ADGRG6: variants seen among roughly 807,000 people sequenced by gnomAD.
ADGRG6 encodes adhesion G protein-coupled receptor G6.
In ADGRG6, 84 loss-of-function variants were observed where a neutral mutation model predicts 142.4. The ratio of observed to expected loss-of-function variants is 0.59; its 90% confidence interval spans 0.49 to 0.71. The LOEUF (loss-of-function observed/expected upper bound fraction) is 0.71, where lower values mean the gene tolerates loss of function less well. Among genes scored for constraint, ADGRG6 ranks in the 30% least tolerant of loss-of-function variants. The pLI, the probability that ADGRG6 is intolerant of heterozygous loss-of-function variation, is 0.00. For synonymous variants in ADGRG6, 521 were observed against 520.5 expected (o/e 1.00, Z -0.01); for missense variants, 1,367 against 1,466.6 (o/e 0.93, Z 1.11).
intron 2 of ADGRG6, among the ~76,000 whole-genome samples, chr6:142,314,983 T>A (rs1777961192): frequency 6.6e-6 from 1 of 151,444 alleles, no homozygotes; most frequent in Admixed American, 6.6e-5. Context: ...TGTGTGTGTG[T>A]GTGTGTGTGT....
At chr6:142,316,210 A>G (rs1463982614) in intron 2 of ADGRG6, among the ~76,000 whole-genome samples, 1 of 152,166 alleles carries the variant, frequency 6.6e-6, no homozygotes. Flanking sequence ...TTTCTGCAAT[A>G]AATTATTATA....
At chr6:142,436,894 G>C (rs1330097179) in intron 22 of ADGRG6, among the ~76,000 whole-genome samples, 1 of 152,158 alleles carries the variant, frequency 6.6e-6, no homozygotes, top group Non-Finnish European at 1.5e-5. Flanking sequence ...GCCAGGTGGA[G>C]CCGCATGATT....
At chr6:142,342,805 A>G (rs376091700) in intron 2 of ADGRG6, among the ~76,000 whole-genome samples, 1 of 152,046 alleles carries the variant, frequency 6.6e-6, no homozygotes, top group Admixed American at 6.6e-5. Flanking sequence ...GTAGATATGT[A>G]TTTAGCTACT....
chr6:142,429,858 C>G (rs1777126588), intron 22 of ADGRG6, among the ~76,000 whole-genome samples: 1 of 152,118 alleles, frequency 6.6e-6, no homozygotes, highest in Non-Finnish European at 1.5e-5. Flanking sequence ...TCAAGACCAT[C>G]ATGGGCAACA....
rs1777580695 is a variant in ADGRG6, at chr6:142,438,221, A to T, written c.3431A>T (p.Lys1144Met). Residue 1144 changes from lysine to methionine, a missense_variant, in exon 24 of 25, where the codon AAG (lysine) becomes ATG (methionine). This residue lies in a region of ADGRG6 where 344 missense variants were observed against 348.7 expected (regional missense o/e 0.99). Transcript: ENST00000367609. Reference sequence around the variant, plus strand: ...TCATTTTTTTTTTCAGATTGGAGTAAGACAGCTACCAATATCATCAAGAAA... The same window carrying T: ...TCATTTTTTTTTTCAGATTGGAGTATGACAGCTACCAATATCATCAAGAAA... ...FRLADNSDWS[K>M]TATNIIKKSS... The T allele has an allele frequency of 6.3e-7, 1 of 1,592,718 alleles. No individual in the cohort carries two copies. Among genetic ancestry groups the T allele is most frequent in the African/African-American group, 1.4e-5 (1 of 73,840 alleles).
At chr6:142,351,233 AAAAAC>A (rs139867047) in intron 2 of ADGRG6, among the ~76,000 whole-genome samples, 2,185 of 152,216 alleles carry the variant, frequency 0.014, 57 homozygotes, top group African/African-American at 0.048. Flanking sequence ...CTTTGTTTCA[AAAAAC>A]AAAACAAAAC....
chr6:142,436,402 A>G (rs961420712), intron 22 of ADGRG6, among the ~76,000 whole-genome samples: 8 of 152,178 alleles, frequency 5.3e-5, no homozygotes, highest in Non-Finnish European at 1.0e-4. Context: ...TAAAGTGGTC[A>G]TGGGAAACTT....
At position 142,383,848 on chromosome 6, in the gene ADGRG6, GAA is replaced by G; in HGVS notation, c.1222+7_1222+8del. The G allele has an allele frequency of 7.2e-7, 1 of 1,395,526 alleles. No individual in the cohort carries two copies. The highest frequency in any genetic ancestry group is 1.0e-6 in the Non-Finnish European group (1 of 983,700). The allele number at this position is 1,395,526 out of a possible 1,614,324, so 86.4% of individuals were successfully genotyped here. ...GAATCGATAAACAAAGGAATGGTAA[GAA>G]ATCATTACCTTTTATATTTTTAGTA... On this transcript the variant is annotated splice_donor_region_variant and intron_variant, in intron 6 of 24. Coordinates refer to ENST00000367609, the MANE Select transcript of ADGRG6 (RefSeq NM_198569.3).
chr6:142,317,957 ATATT>A (rs1490138577), intron 2 of ADGRG6, among the ~76,000 whole-genome samples: 7 of 68,230 alleles, frequency 1.0e-4, no homozygotes, highest in Non-Finnish European at 1.7e-4. Context: ...TTTATATTAT[ATATT>A]TATATATTAT....
intron 4 of ADGRG6, among the ~76,000 whole-genome samples, chr6:142,373,613 G>T (rs777452090): frequency 6.6e-6 from 1 of 152,110 alleles, no homozygotes; most frequent in Non-Finnish European, 1.5e-5. Flanking sequence ...ATCAGAGATC[G>T]CTATAACCTT....
chr6:142,367,688 A>G lies in ADGRG6; in HGVS notation c.223A>G (p.Thr75Ala). 2 of 1,613,746 alleles carry G rather than the reference A, an allele frequency of 1.2e-6. No homozygotes were observed. The highest frequency in any genetic ancestry group is 1.7e-6 in the Non-Finnish European group (2 of 1,179,818). The change falls in exon 3 of 25, where the codon ACC (threonine) becomes GCC (alanine). Residue 75 changes from threonine to alanine, a missense_variant. Transcript: ENST00000367609. ...QACMWTLRAP[T>A]GYIIQITFND... ...TTGCATGTGGACGCTCCGAGCCCCC[A>G]CCGGTTATATCATTCAGATAACATT...
Position 142,367,658 on chromosome 6 carries a change from C to T in ADGRG6, c.193C>T (p.Gln65Ter). The T allele has an allele frequency of 6.2e-7, 1 of 1,613,878 alleles. No individual in the cohort carries two copies. Among genetic ancestry groups the T allele is most frequent in the Non-Finnish European group, 8.5e-7 (1 of 1,179,852 alleles). Residue 65 changes from glutamine to a stop codon, truncating the protein, a stop_gained, in exon 3 of 25, where the codon CAG becomes TAG. Coordinates refer to ENST00000367609, the MANE Select transcript of ADGRG6 (RefSeq NM_198569.3). LOFTEE classifies it high-confidence loss of function. ...CTACCCTAACGACTACCCAAACAGC[C>T]AGGCTTGCATGTGGACGCTCCGAGC... ...PCYPNDYPNSQACMWTLRAPT... is the reference protein window; with the variant it reads ...PCYPNDYPNS
chr6:142,392,932 C>G lies in ADGRG6; in HGVS notation c.1309-16C>G, dbSNP rs757596023. ...AGGTATTAGCAAAACTCAGCCTTTT[C>G]CATTGTGTTTTCCAGCTCAATTCAA... is the stretch of plus-strand genomic sequence containing the variant. On this transcript the variant is annotated splice_polypyrimidine_tract_variant and intron_variant, in intron 7 of 24. Coordinates refer to ENST00000367609, the MANE Select transcript of ADGRG6 (RefSeq NM_198569.3). The G allele has an allele frequency of 9.5e-6, 15 of 1,577,582 alleles. No homozygotes were observed. The African/African-American group carries it at 1.9e-4, about 20-fold the overall frequency.
chr6:142,417,215 C>G, intron 20 of ADGRG6, 58 bp from the exon 21 acceptor site: 2 of 859,244 alleles, frequency 2.3e-6, no homozygotes, highest in Non-Finnish European at 2.0e-6. Flanking sequence ...CATTAGCAGT[C>G]TTATGAAGCA....
chr6:142,338,561 ATAG>A (rs1020905614), intron 2 of ADGRG6, among the ~76,000 whole-genome samples: 38 of 151,452 alleles, frequency 2.5e-4, no homozygotes, highest in African/African-American at 8.7e-4. Flanking sequence ...TGCTTAAATA[ATAG>A]TAGTTAATCG....
intron 2 of ADGRG6, among the ~76,000 whole-genome samples, chr6:142,353,509 T>A (rs569404817): frequency 8.2e-4 from 125 of 152,258 alleles, no homozygotes; most frequent in African/African-American, 1.9e-3. Context: ...TTTCTTTTTT[T>A]AAAAAAATTC....
rs1164105083 is a variant in ADGRG6, at chr6:142,414,991, A to T, written c.2564A>T (p.Gln855Leu). 6.2e-7 allele frequency: 1 copy of T among 1,611,548 alleles called. No individual in the cohort carries two copies. The highest frequency in any genetic ancestry group is 1.7e-5 in the Admixed American group (1 of 59,696). Residue 855 changes from glutamine to leucine, a missense_variant, in exon 19 of 25, where the codon CAG (glutamine) becomes CTG (leucine). Physicochemically the swap from Gln to Leu is moderately radical, Grantham distance 113. Coordinates refer to ENST00000367609, the MANE Select transcript of ADGRG6 (RefSeq NM_198569.3). ...TAGGACCTTCCAAGAAGTGCCTCAC[A>T]GTTAGATGCAAGAAACACTAAAGTC... ...VLMDLPRSAS[Q>L]LDARNTKVLT...
In ADGRG6 at chr6:142,415,779, C is replaced by T. The variant is rs1408326404; in HGVS notation, c.2670-17C>T. 3.1e-6 allele frequency: 5 copies of T among 1,592,042 alleles called. No homozygotes were observed. The East Asian group carries it at 8.9e-5, about 28-fold the overall frequency. Reference sequence around the variant, plus strand: ...ACAGTATTAGTTCTCTCATAGATTCCTTTTTTCATTTTTTAGGAAATTGCG... The same window carrying T: ...ACAGTATTAGTTCTCTCATAGATTCTTTTTTTCATTTTTTAGGAAATTGCG... On this transcript the variant is annotated splice_polypyrimidine_tract_variant and intron_variant, in intron 19 of 24. Coordinates refer to ENST00000367609, the MANE Select transcript of ADGRG6 (RefSeq NM_198569.3).
At chr6:142,408,514 T>G (rs899741246) in intron 16 of ADGRG6, among the ~76,000 whole-genome samples, 2 of 152,150 alleles carry the variant, frequency 1.3e-5, no homozygotes, top group African/African-American at 4.8e-5. Context: ...GAGAAGGGCT[T>G]CTATTTTTCA....
Sources: allele counts gnomAD v4.1 joint callset (sites outside exome capture counted in the v4.1 genomes callset), GRCh38; gene constraint gnomAD v4.1.1; regional missense constraint gnomAD v4.1.1; transcripts MANE v1.5; gene names NCBI Gene and HGNC (gene_info 2026-07-23, HGNC 2026-07-21).